F13A1: variants seen among roughly 807,000 people sequenced by gnomAD.
The protein encoded by F13A1 is coagulation factor XIII A chain.
Under a neutral mutation model 80.1 loss-of-function variants are expected in F13A1, and 47 were observed. That is an observed-to-expected ratio of 0.59 (90% CI 0.46 to 0.75). The LOEUF is 0.75. Ranked by LOEUF, F13A1 falls within the 30% of genes least tolerant of loss-of-function variation. The probability of loss-of-function intolerance (pLI) is 0.00; values close to 1 mark genes in which losing one functional copy is unlikely to be tolerated. For missense variants in F13A1, 817 were observed against 930.4 expected (o/e 0.88, Z 1.59); for synonymous variants, 349 against 344.9 (o/e 1.01, Z -0.13).
At chr6:6,212,302 G>C (rs9392758) in intron 8 of F13A1, among the ~76,000 whole-genome samples, 110 of 152,310 alleles carry the variant, frequency 7.2e-4, no homozygotes, top group East Asian at 1.9e-3. Context: ...GAAGAGAGCA[G>C]TGGTTCTCCC....
rs184152085 is a variant in F13A1 at position 6,282,442 on chromosome 6, T to A, written c.320-15633A>T. On this transcript the variant is annotated intron_variant, in intron 3 of 14. Coordinates refer to ENST00000264870, the MANE Select transcript of F13A1 (RefSeq NM_000129.4). ...GAGAAAATCAGGATTCATCCAGGTA[T>A]TAATCAATCATTCTATCAATAATAA... Among the ~76,000 whole-genome samples the A allele has an allele frequency of 1.8e-3, 281 of 152,336 alleles. 1 individual carries two copies. Among genetic ancestry groups the A allele is most frequent in the Non-Finnish European group, 2.0e-3 (133 of 68,034 alleles).
chr6:6,258,553 T>A (rs1300836220), intron 4 of F13A1, among the ~76,000 whole-genome samples: 1 of 152,178 alleles, frequency 6.6e-6, no homozygotes, highest in Non-Finnish European at 1.5e-5. Flanking sequence ...AGAAACACCT[T>A]GTAAAGACCT....
intron 8 of F13A1, among the ~76,000 whole-genome samples, chr6:6,213,975 C>T (rs1761672420): frequency 2.5e-5 from 3 of 119,216 alleles, no homozygotes; most frequent in African/African-American, 1.0e-4. Flanking sequence ...ACAAGAAGAG[C>T]TAACTATCCT....
At chr6:6,204,097 A>G (rs1194777324) in intron 8 of F13A1, among the ~76,000 whole-genome samples, 1 of 152,192 alleles carries the variant, frequency 6.6e-6, no homozygotes, top group Non-Finnish European at 1.5e-5. Context: ...TGAGACCAAC[A>G]TGGGCTTCAG....
At chr6:6,237,435 C>T (rs1169409457) in intron 6 of F13A1, among the ~76,000 whole-genome samples, 2 of 152,064 alleles carry the variant, frequency 1.3e-5, no homozygotes, top group African/African-American at 4.8e-5. Flanking sequence ...CATACTTGGT[C>T]GAAAGGAAAG....
chr6:6,231,344 A>G (rs575297257), intron 6 of F13A1, among the ~76,000 whole-genome samples: 1 of 152,318 alleles, frequency 6.6e-6, no homozygotes, highest in Non-Finnish European at 1.5e-5. Flanking sequence ...CTCAAAGACA[A>G]GTTCTTTGAA....
At chr6:6,318,341 G>A (rs1468799962) in intron 2 of F13A1, among the ~76,000 whole-genome samples, 194 bp downstream of exon 2, 1 of 152,210 alleles carries the variant, frequency 6.6e-6, no homozygotes, top group Non-Finnish European at 1.5e-5. Context: ...CTGGGACAAG[G>A]CTCTGGGTCT....
At chr6:6,293,771 G>A (rs1011450964) in intron 3 of F13A1, among the ~76,000 whole-genome samples, 1 of 116,882 alleles carries the variant, frequency 8.6e-6, no homozygotes, top group African/African-American at 3.5e-5. Context: ...GGAATGGAGG[G>A]AGTGAGAGAG....
chr6:6,182,996 T>C (rs529361849), intron 10 of F13A1, among the ~76,000 whole-genome samples: 19 of 152,198 alleles, frequency 1.2e-4, no homozygotes, highest in Non-Finnish European at 2.4e-4. Flanking sequence ...GGGGCCATGC[T>C]GTCTGCCCCC....
intron 2 of F13A1, among the ~76,000 whole-genome samples, chr6:6,312,084 T>C (rs1257368519): frequency 1.3e-5 from 2 of 150,648 alleles, no homozygotes; most frequent in East Asian, 1.9e-4. Flanking sequence ...ACAAAATTTA[T>C]TTCATTGCCC....
At chr6:6,268,661 A>T (rs1380217649) in intron 3 of F13A1, among the ~76,000 whole-genome samples, 1 of 151,362 alleles carries the variant, frequency 6.6e-6, no homozygotes, top group Non-Finnish European at 1.5e-5. Context: ...CTTAGCACAC[A>T]GTAGGGGCTG....
chr6:6,185,039 C>T (rs536612543), intron 10 of F13A1, among the ~76,000 whole-genome samples: 2 of 151,916 alleles, frequency 1.3e-5, no homozygotes, highest in East Asian at 1.9e-4. Flanking sequence ...AATTGACGCT[C>T]TATGGTAGAA....
intron 6 of F13A1, among the ~76,000 whole-genome samples, chr6:6,232,483 A>G (rs1161278716): frequency 6.6e-6 from 1 of 152,222 alleles, no homozygotes; most frequent in Non-Finnish European, 1.5e-5. Context: ...GAAATGAGAT[A>G]GACAGTAAGA....
rs9405914 is a variant in F13A1, at chr6:6,318,483, G to A, written c.130+52C>T. ...TTTACCTGCAGGGAAGAGGGGCCAGGGCCCGGCTGTGCCTGGACCCAGAGT... is the reference window on the plus strand; with the variant it reads ...TTTACCTGCAGGGAAGAGGGGCCAGAGCCCGGCTGTGCCTGGACCCAGAGT... On this transcript the variant is annotated intron_variant, in intron 2 of 14. Transcript: ENST00000264870. The A allele has an allele frequency of 1.2e-3, 1,937 of 1,575,334 alleles. 51 individuals carry two copies. In the East Asian group the frequency reaches 0.039, roughly 32 times the overall value.
intron 8 of F13A1, among the ~76,000 whole-genome samples, chr6:6,198,901 G>C (rs528624459): frequency 1.3e-5 from 2 of 152,274 alleles, no homozygotes; most frequent in East Asian, 3.9e-4. Context: ...CCAGGTATTT[G>C]GGAAGTGATG....
chr6:6,312,634 C>T lies in F13A1; in HGVS notation c.130+5901G>A, dbSNP rs573301611. On this transcript the variant is annotated intron_variant, in intron 2 of 14. Coordinates refer to ENST00000264870, the MANE Select transcript of F13A1 (RefSeq NM_000129.4). ...TGGAGCTTGCAGTGAGCCGAGATCG[C>T]GCCACTGCACTCCAGCCTGGGTGAC... Among the ~76,000 whole-genome samples, 41 of 71,352 alleles carry T rather than the reference C, an allele frequency of 5.7e-4. 1 individual carries two copies. The highest frequency in any genetic ancestry group is 2.1e-4 in the Non-Finnish European group (8 of 37,562). The allele number at this position is 71,352 out of a possible 152,430, so 46.8% of individuals were successfully genotyped here.
chr6:6,192,296 T>C lies in F13A1; in HGVS notation c.1305+3501A>G, dbSNP rs569527882. 2.6e-5 allele frequency among the ~76,000 whole-genome samples: 4 copies of C among 152,182 alleles called. No homozygotes were observed. The South Asian group carries it at 6.2e-4, about 24-fold the overall frequency. ...GTTTGTATTTACATTTAAAGAATAATTCTCTTGCTCTGTGGGGAATAGACA... is the reference window on the plus strand; with the variant it reads ...GTTTGTATTTACATTTAAAGAATAACTCTCTTGCTCTGTGGGGAATAGACA... On this transcript the variant is annotated intron_variant, in intron 10 of 14. Transcript: ENST00000264870.
chr6:6,150,074 C>T (rs1050692402), intron 14 of F13A1, among the ~76,000 whole-genome samples: 1 of 152,050 alleles, frequency 6.6e-6, no homozygotes, highest in African/African-American at 2.4e-5. Flanking sequence ...CATGTGTTGG[C>T]CTTGACCAAG....
chr6:6,283,747 C>T (rs1354781639), intron 3 of F13A1, among the ~76,000 whole-genome samples: 1 of 152,050 alleles, frequency 6.6e-6, no homozygotes, highest in Admixed American at 6.6e-5. Flanking sequence ...TTGTGTGGAG[C>T]ACCAATCTTG....
Sources: allele counts gnomAD v4.1 joint callset (sites outside exome capture counted in the v4.1 genomes callset), GRCh38; gene constraint gnomAD v4.1.1; transcripts MANE v1.5; gene names NCBI Gene and HGNC (gene_info 2026-07-23, HGNC 2026-07-21).